SIPA1L3: variants seen among roughly 807,000 people sequenced by gnomAD.
SIPA1L3 encodes the protein signal induced proliferation associated 1 like 3.
SIPA1L3 carries 59 observed loss-of-function variants against 150.1 expected under a neutral mutation model. The ratio of observed to expected loss-of-function variants is 0.39; its 90% CI spans 0.32 to 0.49. SIPA1L3 has a LOEUF of 0.49. SIPA1L3 is among the 20% of genes least tolerant of loss of function. The probability of loss-of-function intolerance (pLI) is 0.86; values close to 1 mark genes in which losing one functional copy is unlikely to be tolerated. For synonymous variants in SIPA1L3, 1,070 were observed against 1,077.6 expected (o/e 0.99, Z 0.14); for missense variants, 2,211 against 2,489.5 (o/e 0.89, Z 2.38).
intron 1 of SIPA1L3, among the ~76,000 whole-genome samples, chr19:37,928,396 C>T (rs1042497768): frequency 6.6e-6 from 1 of 152,098 alleles, no homozygotes; most frequent in Admixed American, 6.6e-5. Flanking sequence ...CATGGTAAAA[C>T]CCCATCTCTA....
chr19:37,924,414 C>CTTTTT (rs60960790), intron 1 of SIPA1L3, among the ~76,000 whole-genome samples: 1 of 138,410 alleles, frequency 7.2e-6, no homozygotes. Context: ...TGTTTTACAG[C>CTTTTT]TTTTTTTTTT....
At chr19:37,946,844 T>G (rs978397499) in intron 1 of SIPA1L3, among the ~76,000 whole-genome samples, 1 of 152,208 alleles carries the variant, frequency 6.6e-6, no homozygotes, top group African/African-American at 2.4e-5. Flanking sequence ...GGCTTTGTTT[T>G]TACATCTAGG....
At chr19:38,152,131 C>T (rs1207069616) in intron 12 of SIPA1L3, among the ~76,000 whole-genome samples, 2 of 152,172 alleles carry the variant, frequency 1.3e-5, no homozygotes, top group Non-Finnish European at 2.9e-5. Flanking sequence ...CTCCCCAACT[C>T]TATGAGGTAG....
At chr19:37,987,175 G>A (rs1316591126) in intron 1 of SIPA1L3, among the ~76,000 whole-genome samples, 6 of 152,108 alleles carry the variant, frequency 3.9e-5, no homozygotes, top group African/African-American at 1.2e-4. Context: ...TGATCCACCC[G>A]CCTCAGCCTC....
Position 38,164,572 on chromosome 19 carries a change from G to A in SIPA1L3, c.3874G>A (p.Asp1292Asn), listed in dbSNP as rs1406339504. ...HSDDRWFDPL[D>N]PLEPEQDPLS... ...CGACGACCGCTGGTTCGACCCCCTGGACCCCCTGGAGCCAGAGCAAGACCC... is the reference window on the plus strand; with the variant it reads ...CGACGACCGCTGGTTCGACCCCCTGAACCCCCTGGAGCCAGAGCAAGACCC... Residue 1292 changes from aspartate to asparagine, a missense_variant, in exon 15 of 22, where the codon GAC becomes AAC. By Grantham distance (23) the Asp-to-Asn change is conservative. Transcript: ENST00000222345. The surrounding 1 kb of genome is among the most constrained non-coding windows in gnomAD (Gnocchi z 4.1). 3 of 1,613,894 alleles carry A rather than the reference G, an allele frequency of 1.9e-6. No individual in the cohort carries two copies. The highest frequency in any genetic ancestry group is 2.5e-6 in the Non-Finnish European group (3 of 1,180,002).
At chr19:38,107,014 C>CT (rs1970637510) in intron 7 of SIPA1L3, among the ~76,000 whole-genome samples, 1 of 152,314 alleles carries the variant, frequency 6.6e-6, no homozygotes, top group South Asian at 2.1e-4. Flanking sequence ...TTATATAACT[C>CT]TAAGATTGTA....
rs143704914 is a variant in SIPA1L3, at chr19:38,082,616, G to A, written c.1051G>A (p.Asp351Asn). 15 of 1,604,476 alleles carry A rather than the reference G, an allele frequency of 9.3e-6. No homozygotes were observed. The highest frequency in any genetic ancestry group is 1.3e-5 in the Non-Finnish European group (15 of 1,179,764). Residue 351 changes from aspartate to asparagine, a missense_variant, in exon 3 of 22, where the codon GAC becomes AAC. Coordinates refer to ENST00000222345, the MANE Select transcript of SIPA1L3 (RefSeq NM_015073.3). The stretch of plus-strand genomic sequence containing the variant: ...CTTCGACGTGCAGAGCATGCTGTTC[G>A]ACCTCAACGAGGCGGCCGCCAACAG... ...AHFDVQSMLF[D>N]LNEAAANRVS...
rs144612126 is a variant in SIPA1L3, at chr19:37,944,150, C to T, written c.-379+36792C>T. Among the ~76,000 whole-genome samples, 505 of 152,154 alleles carry T rather than the reference C, an allele frequency of 3.3e-3. 2 individuals carry two copies. Among genetic ancestry groups the T allele is most frequent in the African/African-American group, 0.011 (477 of 41,502 alleles). ...AAAATTAGCCAGGTGCAGAGGCATG[C>T]GCCTGTAATCCCAGCTACTTGGGAG... On this transcript the variant is annotated intron_variant, in intron 1 of 21. Transcript: ENST00000222345.
rs1165781705 is a variant in SIPA1L3 at position 38,130,851 on chromosome 19, C to T, written c.3143+79C>T. Reference sequence around the variant, plus strand: ...GCATGAGGCCTCCCTGGCACTGTCACTTGAGGTCCCAATAGAGGGGGGATA... The same window carrying T: ...GCATGAGGCCTCCCTGGCACTGTCATTTGAGGTCCCAATAGAGGGGGGATA... On this transcript the variant is annotated intron_variant, in intron 10 of 21. Coordinates refer to ENST00000222345, the MANE Select transcript of SIPA1L3 (RefSeq NM_015073.3). 15 of 1,465,434 alleles carry T rather than the reference C, an allele frequency of 1.0e-5. No individual in the cohort carries two copies. In the Admixed American group the frequency reaches 1.2e-4, roughly 12 times the overall value. The allele number at this position is 1,465,434 out of a possible 1,614,324, so 90.8% of individuals were successfully genotyped here. A position where few individuals can be genotyped will look rare whatever the true frequency, so the allele number is the denominator to read the frequency against.
At position 38,150,560 on chromosome 19, in the gene SIPA1L3, T is replaced by G. The variant is rs1191909943; in HGVS notation, c.3534-2280T>G. The stretch of plus-strand genomic sequence containing the variant: ...TTTTTTTTTTTTTTTTGAAATGGAG[T>G]CTTGTTCTGTTGTCCAGGCTGGAGC... On this transcript the variant is annotated intron_variant, in intron 12 of 21. Transcript: ENST00000222345. 3.7e-5 allele frequency among the ~76,000 whole-genome samples: 5 copies of G among 136,478 alleles called. No individual in the cohort carries two copies. The East Asian group carries it at 6.4e-4, about 18-fold the overall frequency. 89.5% of individuals were successfully genotyped at this position (136,478 alleles called of 152,430 possible).
At chr19:37,970,473 A>G (rs1966904405) in intron 1 of SIPA1L3, among the ~76,000 whole-genome samples, 1 of 152,220 alleles carries the variant, frequency 6.6e-6, no homozygotes, top group Non-Finnish European at 1.5e-5. Flanking sequence ...TGCTGCAGAT[A>G]CCGTTCTGAA....
At chr19:37,944,687 A>C (rs781474952) in intron 1 of SIPA1L3, among the ~76,000 whole-genome samples, 2 of 152,154 alleles carry the variant, frequency 1.3e-5, no homozygotes, top group Non-Finnish European at 2.9e-5. Flanking sequence ...AAGTGCATTC[A>C]CACCTGTCAT....
intron 1 of SIPA1L3, among the ~76,000 whole-genome samples, chr19:37,946,007 T>C (rs1020115299): frequency 9.5e-4 from 145 of 152,004 alleles, no homozygotes; most frequent in African/African-American, 3.4e-3. Flanking sequence ...ATACAAAAAT[T>C]AGCCTGGCGT....
intron 2 of SIPA1L3, among the ~76,000 whole-genome samples, chr19:38,045,004 G>C (rs1438932729): frequency 3.3e-5 from 5 of 152,220 alleles, no homozygotes; most frequent in African/African-American, 1.2e-4. Context: ...TGATAGGCTT[G>C]AGCTGTTGTT....
chr19:38,050,792 C>T (rs1969178592), intron 2 of SIPA1L3, among the ~76,000 whole-genome samples: 1 of 152,148 alleles, frequency 6.6e-6, no homozygotes. Flanking sequence ...GGCATGGTGG[C>T]TCATGCTTGT....
At chr19:37,979,787 G>A (rs1043601831) in intron 1 of SIPA1L3, among the ~76,000 whole-genome samples, 3 of 152,208 alleles carry the variant, frequency 2.0e-5, no homozygotes, top group African/African-American at 4.8e-5. Context: ...TTAGTAATGC[G>A]TGTTAGAGAC....
intron 1 of SIPA1L3, among the ~76,000 whole-genome samples, chr19:38,025,249 T>TC (rs1347071372): frequency 6.6e-6 from 1 of 152,230 alleles, no homozygotes; most frequent in African/African-American, 2.4e-5. Flanking sequence ...CTCATGGGAT[T>TC]CTGTTCTTGC....
chr19:38,177,090 G>A (rs563131211), intron 15 of SIPA1L3, among the ~76,000 whole-genome samples: 11 of 152,076 alleles, frequency 7.2e-5, no homozygotes, highest in South Asian at 2.1e-4. Context: ...GGCCGGGCGC[G>A]GTGGCTCACT....
At chr19:38,162,151 G>A in intron 13 of SIPA1L3, 102 bp from the exon 14 acceptor site, 1 of 824,062 alleles carries the variant, frequency 1.2e-6, no homozygotes, top group South Asian at 1.5e-5. Context: ...AATTGATGGG[G>A]TCATGCCGTG....
Sources: gnomAD v4.1 joint callset for allele counts (sites outside exome capture counted in the v4.1 genomes callset) on GRCh38, gnomAD v4.1.1 for gene constraint, Gnocchi (gnomAD v3.1) non-coding constraint, MANE v1.5 for transcripts, NCBI Gene and HGNC (gene_info 2026-07-23, HGNC 2026-07-21) for gene names.